The following IL23R variants were observed in gnomAD, a reference collection of about 807,000 sequenced individuals.
IL23R encodes the protein interleukin 23 receptor, also known as interleukin-23 receptor.
A neutral mutation model predicts 56.9 loss-of-function variants in IL23R; 34 were observed. The ratio of observed to expected loss-of-function variants is 0.60; its 90% CI spans 0.45 to 0.80. The LOEUF is 0.80. Ranked by LOEUF, IL23R falls within the 30% of genes least tolerant of loss-of-function variation. IL23R has a pLI of 0.00. For synonymous variants in IL23R, 230 were observed against 249.2 expected (o/e 0.92, Z 0.73); for missense variants, 635 against 730.0 (o/e 0.87, Z 1.50).
At chr1:67,170,255 T>C (rs1646926920) in intron 3 of IL23R, among the ~76,000 whole-genome samples, 1 of 152,218 alleles carries the variant, frequency 6.6e-6, no homozygotes, top group Non-Finnish European at 1.5e-5. Flanking sequence ...AATAATTTAT[T>C]TGGAAGCATA....
chr1:67,264,953 A>T (rs554634461), downstream of IL23R, among the ~76,000 whole-genome samples: 5 of 152,268 alleles, frequency 3.3e-5, no homozygotes, highest in Admixed American at 6.5e-5. Context: ...TTGGGGGGGA[A>T]CCCTAAACAA....
intron 6 of IL23R, among the ~76,000 whole-genome samples, chr1:67,217,072 A>G (rs1649890426): frequency 6.6e-6 from 1 of 152,158 alleles, no homozygotes. Flanking sequence ...GGAATTATAG[A>G]ACTCTAACTA....
rs754521453 is a variant in IL23R at position 67,200,899 on chromosome 1, T to G, written c.652+2T>G. 1 of 1,613,894 alleles carries G rather than the reference T, an allele frequency of 6.2e-7. No homozygotes were observed. Among genetic ancestry groups the G allele is most frequent in the Non-Finnish European group, 8.5e-7 (1 of 1,179,828 alleles). On this transcript the variant is annotated splice_donor_variant, in intron 5 of 10. Transcript: ENST00000347310. LOFTEE classifies it high-confidence loss of function. ...TGCAAATTCACCTGGATGATATAGG[T>G]AAAGAATAAGAAATTCTGTAAGTCT...
chr1:67,182,727 T>C (rs1484480420), intron 3 of IL23R, 109 bp from the exon 4 acceptor site: 1 of 1,143,976 alleles, frequency 8.7e-7, no homozygotes, highest in African/African-American at 1.5e-5. Flanking sequence ...TCTGCATCAT[T>C]CACGCTGGGA....
Position 67,242,702 on chromosome 1 carries a change from A to T in IL23R, c.1148+2421A>T, listed in dbSNP as rs192707821. Among the ~76,000 whole-genome samples, 704 of 152,336 alleles carry T rather than the reference A, an allele frequency of 4.6e-3. 2 individuals carry two copies. The highest frequency in any genetic ancestry group is 0.015 in the South Asian group (73 of 4,826). ...AGTCTTTCTCTAATGTTCTCAGAAG[A>T]TTCATTCTTTGGGTTCTAGATTGTG... On this transcript the variant is annotated intron_variant, in intron 9 of 10. Coordinates refer to ENST00000347310, the MANE Select transcript of IL23R (RefSeq NM_144701.3).
chr1:67,263,058 G>C (rs567423447), downstream of IL23R, among the ~76,000 whole-genome samples: 4 of 151,080 alleles, frequency 2.6e-5, no homozygotes, highest in African/African-American at 9.7e-5. Context: ...TGCTTGGTAC[G>C]TGTGCAGGTG....
intron 4 of IL23R, among the ~76,000 whole-genome samples, chr1:67,186,777 C>T (rs61780308): frequency 0.029 from 4,343 of 152,168 alleles, 65 homozygotes; most frequent in Middle Eastern, 0.041. Context: ...CGCCACCACG[C>T]CCAGCTGATT....
intron 4 of IL23R, among the ~76,000 whole-genome samples, chr1:67,186,615 T>C (rs532665580): frequency 1.3e-5 from 2 of 152,348 alleles, no homozygotes; most frequent in South Asian, 4.1e-4. Flanking sequence ...CTGGCTTCTT[T>C]CATTTAGTAT....
rs966400681 is a variant in IL23R, at chr1:67,259,801, T to A, written c.*673T>A. Reference sequence around the variant, plus strand: ...CAATATGCTGAAACCCTGTCTCTACTAAAATTACAAAAATTAGCCGGCCAT... The same window carrying A: ...CAATATGCTGAAACCCTGTCTCTACAAAAATTACAAAAATTAGCCGGCCAT... On this transcript the variant is annotated 3_prime_UTR_variant, in exon 11 of 11. Coordinates refer to ENST00000347310, the MANE Select transcript of IL23R (RefSeq NM_144701.3). 1 of 151,798 alleles carries A rather than the reference T, an allele frequency of 6.6e-6. No individual in the cohort carries two copies. Among genetic ancestry groups the A allele is most frequent in the African/African-American group, 2.4e-5 (1 of 41,270 alleles). 9.4% of individuals were successfully genotyped at this position (151,798 alleles called of 1,614,324 possible). A position where few individuals can be genotyped will look rare whatever the true frequency, so the allele number is the denominator to read the frequency against.
upstream of IL23R, among the ~76,000 whole-genome samples, chr1:67,165,127 T>A (rs770589735): frequency 1.3e-5 from 2 of 152,112 alleles, no homozygotes; most frequent in Non-Finnish European, 2.9e-5. Context: ...GAGGATCACC[T>A]GAGCCCAGGA....
chr1:67,182,877 G>T lies in IL23R; in HGVS notation c.409G>T (p.Glu137Ter). Residue 137 changes from glutamate (E) to a stop codon, truncating the protein, a stop_gained, in exon 4 of 11, where the codon GAA (glutamate) becomes TAA (stop). Coordinates refer to ENST00000347310, the MANE Select transcript of IL23R (RefSeq NM_144701.3). LOFTEE classifies it high-confidence loss of function. The stretch of plus-strand genomic sequence containing the variant: ...TGATGAAGTAACCTGTGTCATTTAT[G>T]AATATTCAGGCAACATGACTTGCAC... ...IPDEVTCVIY[E>*]YSGNMTCTWN... is the part of the protein sequence containing the mutation. 1 of 1,613,998 alleles carries T rather than the reference G, an allele frequency of 6.2e-7. No homozygotes were observed. Among genetic ancestry groups the T allele is most frequent in the South Asian group, 1.1e-5 (1 of 91,062 alleles).
chr1:67,219,423 T>C, intron 6 of IL23R, 151 bp from the exon 7 acceptor site: 1 of 688,668 alleles, frequency 1.5e-6, no homozygotes. Context: ...TATTTGATTA[T>C]GTACGGCCAC....
intron 6 of IL23R, among the ~76,000 whole-genome samples, chr1:67,214,742 T>C (rs910732448): frequency 6.6e-6 from 1 of 152,152 alleles, no homozygotes; most frequent in African/African-American, 2.4e-5. Flanking sequence ...ACTGCTACGA[T>C]TGAGGGAAGA....
chr1:67,234,707 CTTTTT>C (rs5774860), intron 7 of IL23R, among the ~76,000 whole-genome samples: 3 of 117,584 alleles, frequency 2.6e-5, no homozygotes, highest in Non-Finnish European at 5.0e-5. Context: ...TATTTTTACT[CTTTTT>C]TTTTTTTTTT....
chr1:67,153,448 C>T (rs1007376996), intron 1 of IL23R, among the ~76,000 whole-genome samples: 1 of 152,140 alleles, frequency 6.6e-6, no homozygotes, highest in African/African-American at 2.4e-5. Flanking sequence ...CTATCTCCTT[C>T]AGTTCTGCTC....
At chr1:67,159,783 A>C (rs1646801987) in intron 1 of IL23R, among the ~76,000 whole-genome samples, 1 of 152,216 alleles carries the variant, frequency 6.6e-6, no homozygotes, top group African/African-American at 2.4e-5. Context: ...TGTATCAGGA[A>C]AAATAAAACA....
At chr1:67,190,786 A>G (rs968492758) in intron 4 of IL23R, among the ~76,000 whole-genome samples, 1 of 152,224 alleles carries the variant, frequency 6.6e-6, no homozygotes, top group Non-Finnish European at 1.5e-5. Context: ...CGCACCGTAG[A>G]AGACCAATAA....
Position 67,152,872 on chromosome 1 carries a change from G to T in IL23R, c.-634+13711G>T, listed in dbSNP as rs113755862. Among the ~76,000 whole-genome samples, 370 of 152,238 alleles carry T rather than the reference G, an allele frequency of 2.4e-3. 2 individuals carry two copies. Among genetic ancestry groups the T allele is most frequent in the African/African-American group, 8.6e-3 (356 of 41,550 alleles). ...TGCCAGTATTTAATTGAGGATTTTC[G>T]CATTGATGTTCATTAGGGATATTGG... On this transcript the variant is annotated intron_variant, in intron 1 of 10. Coordinates refer to the IL23R transcript ENST00000637002.
At chr1:67,204,890 T>C (rs540057292) in intron 5 of IL23R, among the ~76,000 whole-genome samples, 1 of 152,216 alleles carries the variant, frequency 6.6e-6, no homozygotes, top group South Asian at 2.1e-4. Context: ...GTGATTCTTG[T>C]GCTTCAGCCT....
Sources: gnomAD v4.1 joint callset for allele counts (sites outside exome capture counted in the v4.1 genomes callset) on GRCh38, gnomAD v4.1.1 for gene constraint, MANE v1.5 for transcripts, NCBI Gene and HGNC (gene_info 2026-07-23, HGNC 2026-07-21) for gene names.